Variants in GOLGB1 observed in about 807,000 individuals in gnomAD.
GOLGB1 encodes golgin B1.
In GOLGB1, 174 loss-of-function variants were observed where a neutral mutation model predicts 336.9. The observed-to-expected ratio is 0.52, with a 90% CI of 0.46 to 0.59. GOLGB1 has a LOEUF of 0.59. Among genes scored for constraint, GOLGB1 ranks in the 20% least tolerant of loss-of-function variants. The pLI, the probability that GOLGB1 is intolerant of heterozygous loss-of-function variation, is 0.00. For missense variants in GOLGB1, 3,331 were observed against 3,645.3 expected (o/e 0.91, Z 2.22); for synonymous variants, 1,208 against 1,289.2 (o/e 0.94, Z 1.35).
At chr3:121,707,186 C>T (rs993480243) in intron 10 of GOLGB1, among the ~76,000 whole-genome samples, 1 of 143,144 alleles carries the variant, frequency 7.0e-6, no homozygotes, top group Non-Finnish European at 1.5e-5. Context: ...AAGATTGCAC[C>T]ACTGCCCTCC....
Position 121,693,820 on chromosome 3 carries a change from C to G in GOLGB1, c.6703G>C (p.Glu2235Gln). Reference protein sequence around the residue: ...QSKEEEIRLKEDNCSVLKDQL... With the variant: ...QSKEEEIRLKQDNCSVLKDQL... ...TCCTTTAGAACACTGCAATTATCTT[C>G]TTTGAGTCTAATTTCTTCTTCTTTG... The change falls in exon 13 of 22, where the codon GAA becomes CAA. Residue 2235 changes from glutamate (E) to glutamine (Q), a missense_variant. By Grantham distance (29) the Glu-to-Gln change is conservative. Coordinates refer to ENST00000614479, the MANE Select transcript of GOLGB1 (RefSeq NM_001366282.2). 7 of 1,611,652 alleles carry G rather than the reference C, an allele frequency of 4.3e-6. No individual in the cohort carries two copies. The highest frequency in any genetic ancestry group is 5.9e-6 in the Non-Finnish European group (7 of 1,177,740).
At chr3:121,716,003 A>C (rs892022464) in intron 9 of GOLGB1, among the ~76,000 whole-genome samples, 47 of 151,994 alleles carry the variant, frequency 3.1e-4, no homozygotes, top group African/African-American at 9.7e-4. Context: ...AAAAAAAAAA[A>C]AACAAAAAAC....
chr3:121,713,154 T>C (rs528735545), intron 10 of GOLGB1, among the ~76,000 whole-genome samples: 51 of 151,932 alleles, frequency 3.4e-4, no homozygotes, highest in Non-Finnish European at 5.9e-4. Context: ...AGACCAAGAC[T>C]CCGTCTTGGA....
intron 1 of GOLGB1, among the ~76,000 whole-genome samples, chr3:121,746,303 G>A (rs891940555): frequency 1.3e-5 from 2 of 152,208 alleles, no homozygotes; most frequent in South Asian, 2.1e-4. Flanking sequence ...TTTACAATTA[G>A]AAAATGAACA....
intron 8 of GOLGB1, among the ~76,000 whole-genome samples, chr3:121,717,424 T>A (rs1168251144): frequency 1.3e-5 from 2 of 152,062 alleles, no homozygotes; most frequent in African/African-American, 4.8e-5. Context: ...ACACAAGGAA[T>A]CCAAGGGGTA....
chr3:121,712,159 G>A (rs897711196), intron 10 of GOLGB1, among the ~76,000 whole-genome samples: 1 of 152,148 alleles, frequency 6.6e-6, no homozygotes, highest in African/African-American at 2.4e-5. Flanking sequence ...AGAAATAGAT[G>A]TATTAGTCTT....
intron 1 of GOLGB1, among the ~76,000 whole-genome samples, chr3:121,747,476 T>A (rs996746649): frequency 6.8e-6 from 1 of 148,012 alleles, no homozygotes; most frequent in Non-Finnish European, 1.5e-5. Flanking sequence ...AGTGTTTTGA[T>A]GGCTAATGAC....
At position 121,677,301 on chromosome 3, in the gene GOLGB1, A is replaced by G; in HGVS notation, c.9023T>C (p.Val3008Ala). 1 of 1,610,296 alleles carries G rather than the reference A, an allele frequency of 6.2e-7. No individual in the cohort carries two copies. Among genetic ancestry groups the G allele is most frequent in the Non-Finnish European group, 8.5e-7 (1 of 1,177,108 alleles). The part of the protein sequence containing the change: ...SSSSQTQPLK[V>A]QYQRQASPET... The stretch of plus-strand genomic sequence containing the variant: ...ATTACTCACCTGTCTTTGGTATTGC[A>G]CTTTGAGAGGCTGAGTCTGGGAGGA... Residue 3008 changes from valine (V) to alanine (A), a missense_variant, in exon 16 of 22, where the codon GTG becomes GCG. Transcript: ENST00000614479.
At chr3:121,718,588 A>G in intron 7 of GOLGB1, 87 bp from the exon 8 acceptor site, 1 of 975,480 alleles carries the variant, frequency 1.0e-6, no homozygotes, top group Admixed American at 2.0e-5. Context: ...AGATTTGTAT[A>G]CTTAAATTTT....
In GOLGB1 at chr3:121,668,046, G is replaced by A. The variant is rs772946964; in HGVS notation, c.9419+15C>T. On this transcript the variant is annotated intron_variant, in intron 19 of 21. Coordinates refer to ENST00000614479, the MANE Select transcript of GOLGB1 (RefSeq NM_001366282.2). ...TCTGGTGTATGCTCCAGGGTTTAGAGAGCCACTCCCCTACCTTTGCTGCGG... is the reference window on the plus strand; with the variant it reads ...TCTGGTGTATGCTCCAGGGTTTAGAAAGCCACTCCCCTACCTTTGCTGCGG... 2.1e-6 allele frequency: 3 copies of A among 1,439,818 alleles called. No individual in the cohort carries two copies. Among genetic ancestry groups the A allele is most frequent in the Non-Finnish European group, 1.9e-6 (2 of 1,038,054 alleles). 89.2% of individuals were successfully genotyped at this position (1,439,818 alleles called of 1,614,324 possible).
In GOLGB1 at chr3:121,712,119, G is replaced by A. The variant is rs540983948; in HGVS notation, c.1404+2742C>T. On this transcript the variant is annotated intron_variant, in intron 10 of 21. Coordinates refer to ENST00000614479, the MANE Select transcript of GOLGB1 (RefSeq NM_001366282.2). ...CGTGATACTGGCATAGGGACTGACA[G>A]ATAGATCAATATAACAGAACAGAAA... 6.6e-5 allele frequency among the ~76,000 whole-genome samples: 10 copies of A among 152,270 alleles called. No homozygotes were observed. In the South Asian group the frequency reaches 1.9e-3, roughly 28 times the overall value.
chr3:121,702,636 G>T, intron 10 of GOLGB1, 41 bp from the exon 11 acceptor site: 1 of 1,021,884 alleles, frequency 9.8e-7, no homozygotes, highest in East Asian at 2.9e-5. Flanking sequence ...TTCTCCAGCA[G>T]AAAATTCTCA....
chr3:121,692,326 G>A lies in GOLGB1; in HGVS notation c.7038C>T (p.Ile2346=), dbSNP rs758046267. Residue 2346 remains isoleucine (I), a synonymous_variant, in exon 14 of 22, where the codon ATC becomes ATT. Coordinates refer to ENST00000614479, the MANE Select transcript of GOLGB1 (RefSeq NM_001366282.2). ...CKEQKGNLEG[I]IRQQEADIQN... ...GAATATCAGCCTCTTGCTGCCTTAT[G>A]ATCCCTTCCAAGTTTCCTTTTTGTT... 4.3e-6 allele frequency: 7 copies of A among 1,610,124 alleles called. 1 individual carries two copies. In the African/African-American group the frequency reaches 9.4e-5, roughly 22 times the overall value.
intron 14 of GOLGB1, among the ~76,000 whole-genome samples, chr3:121,684,341 A>T (rs532141373): frequency 1.1e-4 from 17 of 151,740 alleles, no homozygotes; most frequent in African/African-American, 4.1e-4. Context: ...ACATCTAAAT[A>T]ACAAACATTT....
At chr3:121,735,177 G>C (rs1013705630) in intron 1 of GOLGB1, among the ~76,000 whole-genome samples, 1 of 152,164 alleles carries the variant, frequency 6.6e-6, no homozygotes, top group African/African-American at 2.4e-5. Flanking sequence ...GAATTTTTAA[G>C]GTGAAGGAAC....
intron 10 of GOLGB1, among the ~76,000 whole-genome samples, chr3:121,708,337 T>C (rs1004054927): frequency 3.9e-5 from 6 of 152,256 alleles, no homozygotes; most frequent in African/African-American, 7.2e-5. Flanking sequence ...TGGTTTTATA[T>C]GTCATCAAAT....
rs201905435 is a variant in GOLGB1 at position 121,726,901 on chromosome 3, T to C, written c.531+12A>G. The C allele has an allele frequency of 4.9e-5, 77 of 1,566,564 alleles. No individual in the cohort carries two copies. The East Asian group carries it at 1.7e-3, about 35-fold the overall frequency. On this transcript the variant is annotated intron_variant, in intron 5 of 21. Coordinates refer to ENST00000614479, the MANE Select transcript of GOLGB1 (RefSeq NM_001366282.2). ...ATTAACCTAATGATTATGAAGTAAC[T>C]TCCACCCCTACCTGTGCAGGTTGTT...
chr3:121,676,978 T>C lies in GOLGB1; in HGVS notation c.9092A>G (p.Glu3031Gly). ...GAGCTGGGTCCTGAGAAGTTCTGTC[T>C]CATAAACCAGATTTTGTGACCCATC... is the stretch of plus-strand genomic sequence containing the variant. ...SPDGSQNLVY[E>G]TELLRTQLND... The change falls in exon 17 of 22, where the codon GAG (glutamate) becomes GGG (glycine). Residue 3031 changes from glutamate to glycine, a missense_variant. Glu to Gly is a moderately conservative substitution (Grantham distance 98, BLOSUM62 -2). Coordinates refer to ENST00000614479, the MANE Select transcript of GOLGB1 (RefSeq NM_001366282.2). 1 of 1,613,790 alleles carries C rather than the reference T, an allele frequency of 6.2e-7. No homozygotes were observed. The highest frequency in any genetic ancestry group is 8.5e-7 in the Non-Finnish European group (1 of 1,179,694).
chr3:121,747,405 G>A (rs886981474), intron 1 of GOLGB1, among the ~76,000 whole-genome samples: 2 of 141,184 alleles, frequency 1.4e-5, no homozygotes, highest in African/African-American at 2.6e-5. Context: ...ACATATATAC[G>A]TATATATATG....
Sources: allele counts gnomAD v4.1 joint callset (sites outside exome capture counted in the v4.1 genomes callset), GRCh38; gene constraint gnomAD v4.1.1; transcripts MANE v1.5; gene names NCBI Gene and HGNC (gene_info 2026-07-23, HGNC 2026-07-21).